The following RUSC2 variants were observed in gnomAD, a reference collection of about 807,000 sequenced individuals.
RUSC2 encodes AP-4 complex accessory subunit RUSC2.
In RUSC2, 34 loss-of-function variants were observed where a neutral mutation model predicts 122.2. The ratio of observed to expected loss-of-function variants is 0.28; its 90% confidence interval spans 0.21 to 0.37. The LOEUF is 0.37. Ranked by LOEUF, RUSC2 falls within the 10% of genes least tolerant of loss-of-function variation. The pLI, the probability that RUSC2 is intolerant of heterozygous loss-of-function variation, is 1.00. For missense variants in RUSC2, 1,747 were observed against 1,952.4 expected, an observed-to-expected ratio of 0.89 and a Z score of 1.98; for synonymous variants, 784 against 790.0, an observed-to-expected ratio of 0.99 and a Z score of 0.13.
In RUSC2 at chr9:35,560,363, A is replaced by G. The variant is rs777812456; in HGVS notation, c.3723A>G (p.Glu1241=). Residue 1241 remains glutamate (E), a synonymous_variant, in exon 10 of 12, where the codon GAA becomes GAG. Coordinates refer to ENST00000361226, the MANE Select transcript of RUSC2 (RefSeq NM_014806.5). The stretch of plus-strand genomic sequence containing the variant: ...GTGCCTCAGAAGGTGGAGAAGAGGA[A>G]GAGGAAGAAGAGGAGACAGAAGAGG... ...GVGASEGGEE[E]EEEEETEEVA... is the part of the protein sequence containing the mutation. 1 of 1,612,996 alleles carries G rather than the reference A, an allele frequency of 6.2e-7. No individual in the cohort carries two copies. Among genetic ancestry groups the G allele is most frequent in the Non-Finnish European group, 8.5e-7 (1 of 1,179,402 alleles).
At chr9:35,498,597 G>A (rs978574268) in intron 1 of RUSC2, among the ~76,000 whole-genome samples, 11 of 151,834 alleles carry the variant, frequency 7.2e-5, no homozygotes, top group Non-Finnish European at 1.0e-4. Flanking sequence ...GGTGGCTCAC[G>A]CCTGTGATCC....
chr9:35,497,466 C>T (rs1820741063), intron 1 of RUSC2, among the ~76,000 whole-genome samples: 2 of 152,220 alleles, frequency 1.3e-5, no homozygotes, highest in Admixed American at 1.3e-4. Flanking sequence ...ATCCCCTGGC[C>T]ATGTATAAGA....
At chr9:35,516,022 A>AAAAAAAAAAAAGAGAG (rs1554724501) in intron 1 of RUSC2, among the ~76,000 whole-genome samples, 2 of 127,114 alleles carry the variant, frequency 1.6e-5, no homozygotes, top group Non-Finnish European at 1.6e-5. Context: ...AAAAAAAAAA[A>AAAAAAAAAAAAGAGAG]AGAGAAATGC....
intron 1 of RUSC2, among the ~76,000 whole-genome samples, chr9:35,501,125 G>A (rs969632731): frequency 6.6e-6 from 1 of 152,160 alleles, no homozygotes; most frequent in African/African-American, 2.4e-5. Context: ...TATTCTACAG[G>A]AAAGGGACTC....
At chr9:35,496,095 C>T (rs1261956742) in intron 1 of RUSC2, among the ~76,000 whole-genome samples, 1 of 152,046 alleles carries the variant, frequency 6.6e-6, no homozygotes, top group African/African-American at 2.4e-5. Context: ...ACTCTCGAGT[C>T]AGTGGTTGAG....
rs544797957 is a variant in RUSC2 at position 35,515,999 on chromosome 9, C to CAAAA, written c.-93+25848_-93+25851dup. ...GAGCGACACAGCGAGATTCTTGTCT[C>CAAAA]AAAAAAAAAAAAAAAAAAAAAAAAG... is the stretch of plus-strand genomic sequence containing the variant. On this transcript the variant is annotated intron_variant, in intron 1 of 11. Transcript: ENST00000361226. Among the ~76,000 whole-genome samples, 53 of 47,186 alleles carry CAAAA rather than the reference C, an allele frequency of 1.1e-3. 2 individuals are homozygous for CAAAA. Among genetic ancestry groups the CAAAA allele is most frequent in the African/African-American group, 2.9e-3 (29 of 10,108 alleles). The allele number at this position is 47,186 out of a possible 152,430, so 31.0% of individuals were successfully genotyped here. A position where few individuals can be genotyped will look rare whatever the true frequency, so the allele number is the denominator to read the frequency against.
At chr9:35,523,662 A>G (rs534937802) in intron 1 of RUSC2, among the ~76,000 whole-genome samples, 1 of 151,880 alleles carries the variant, frequency 6.6e-6, no homozygotes, top group Non-Finnish European at 1.5e-5. Flanking sequence ...AAAAAATACA[A>G]AAATTAGCCA....
chr9:35,539,411 G>A (rs1176908701), intron 1 of RUSC2, among the ~76,000 whole-genome samples: 3 of 152,004 alleles, frequency 2.0e-5, no homozygotes, highest in East Asian at 1.9e-4. Flanking sequence ...CTTCTAGTAT[G>A]GGTCAGGGAT....
chr9:35,518,904 T>C (rs957676136), intron 1 of RUSC2, among the ~76,000 whole-genome samples: 2 of 152,164 alleles, frequency 1.3e-5, no homozygotes, highest in African/African-American at 4.8e-5. Context: ...TCTTTCTTTG[T>C]TTTTATTCAG....
chr9:35,498,138 CAG>C (rs1405625113), intron 1 of RUSC2, among the ~76,000 whole-genome samples: 2 of 144,176 alleles, frequency 1.4e-5, no homozygotes, highest in Non-Finnish European at 3.0e-5. Context: ...AACCTTGGAA[CAG>C]AGATAATTTT....
At chr9:35,500,701 T>C (rs1820805531) in intron 1 of RUSC2, among the ~76,000 whole-genome samples, 1 of 152,234 alleles carries the variant, frequency 6.6e-6, no homozygotes, top group Non-Finnish European at 1.5e-5. Context: ...TCATAACCAA[T>C]GTGACCACTT....
At chr9:35,536,296 C>A (rs1362402157) in intron 1 of RUSC2, among the ~76,000 whole-genome samples, 2 of 152,228 alleles carry the variant, frequency 1.3e-5, no homozygotes, top group Non-Finnish European at 2.9e-5. Flanking sequence ...AATCAACAAC[C>A]TGCAACCACT....
chr9:35,552,293 G>A (rs574893686), intron 2 of RUSC2, among the ~76,000 whole-genome samples: 6 of 152,260 alleles, frequency 3.9e-5, no homozygotes, highest in African/African-American at 1.2e-4. Context: ...CCTGGAAGGC[G>A]GAAGTTGCAG....
intron 1 of RUSC2, among the ~76,000 whole-genome samples, chr9:35,504,678 T>C (rs1820879900): frequency 6.6e-6 from 1 of 152,194 alleles, no homozygotes; most frequent in Non-Finnish European, 1.5e-5. Context: ...TTGGCCAGAC[T>C]GGTTTTAAAT....
intron 1 of RUSC2, among the ~76,000 whole-genome samples, chr9:35,517,171 AGAG>A (rs1340207038): frequency 6.6e-6 from 1 of 152,204 alleles, no homozygotes; most frequent in African/African-American, 2.4e-5. Flanking sequence ...GGGTCTCACC[AGAG>A]GCTGCAGGAG....
intron 1 of RUSC2, among the ~76,000 whole-genome samples, chr9:35,539,945 C>T (rs1230326529): frequency 2.0e-5 from 3 of 152,098 alleles, no homozygotes; most frequent in Non-Finnish European, 2.9e-5. Context: ...CATTGTGTTC[C>T]CCATCTTTAT....
At chr9:35,543,247 G>GA (rs1821677405) in intron 1 of RUSC2, among the ~76,000 whole-genome samples, 1 of 152,078 alleles carries the variant, frequency 6.6e-6, no homozygotes, top group South Asian at 2.1e-4. Context: ...GCAACATGGA[G>GA]AAACCATGTC....
chr9:35,514,218 AG>A (rs1362523620), intron 1 of RUSC2, among the ~76,000 whole-genome samples: 1 of 152,098 alleles, frequency 6.6e-6, no homozygotes, highest in East Asian at 1.9e-4. Flanking sequence ...GAGAAGTGCA[AG>A]GTGCTTTGAG....
intron 1 of RUSC2, among the ~76,000 whole-genome samples, chr9:35,509,523 C>T (rs1043448084): frequency 2.6e-5 from 4 of 152,076 alleles, no homozygotes; most frequent in African/African-American, 7.2e-5. Context: ...TATATTTTCC[C>T]GAGATGTTGC....
Sources: allele counts gnomAD v4.1 joint callset (sites outside exome capture counted in the v4.1 genomes callset), GRCh38; gene constraint gnomAD v4.1.1; transcripts MANE v1.5; gene names NCBI Gene and HGNC (gene_info 2026-07-23, HGNC 2026-07-21).